The following SIMC1 variants were observed in gnomAD, a reference collection of about 807,000 sequenced individuals.
SIMC1 encodes the protein SUMO-interacting motif-containing protein 1.
Under a neutral mutation model 82.3 loss-of-function variants are expected in SIMC1, and 55 were observed. The observed-to-expected ratio is 0.67, with a 90% CI of 0.54 to 0.84. The LOEUF (loss-of-function observed/expected upper bound fraction) is 0.84. Among genes scored for constraint, SIMC1 ranks in the 40% least tolerant of loss-of-function variants. The probability of loss-of-function intolerance (pLI) is 0.00; values close to 1 mark genes in which losing one functional copy is unlikely to be tolerated. For missense variants in SIMC1, 915 were observed against 1,107.2 expected (o/e 0.83, Z 2.46); for synonymous variants, 353 against 426.3 (o/e 0.83, Z 2.12).
At chr5:176,282,198 A>G (rs1052517658) in intron 1 of SIMC1, among the ~76,000 whole-genome samples, 1 of 152,230 alleles carries the variant, frequency 6.6e-6, no homozygotes, top group Non-Finnish European at 1.5e-5. Flanking sequence ...CTGTGCTAGC[A>G]ATCAGCAAGA....
At chr5:176,306,294 G>C (rs1462985304) in intron 4 of SIMC1, among the ~76,000 whole-genome samples, 6 of 132,558 alleles carry the variant, frequency 4.5e-5, no homozygotes, top group Admixed American at 7.3e-5. Flanking sequence ...GAGGTGGGGG[G>C]GTCAGCCCCC....
chr5:176,279,940 T>C (rs1295261622), intron 1 of SIMC1, among the ~76,000 whole-genome samples: 1 of 152,004 alleles, frequency 6.6e-6, no homozygotes, highest in African/African-American at 2.4e-5. Context: ...CTGAAAAAAA[T>C]GTATATTCTG....
At chr5:176,245,814 T>C (rs921219702) in intron 1 of SIMC1, among the ~76,000 whole-genome samples, 1 of 152,090 alleles carries the variant, frequency 6.6e-6, no homozygotes, top group Non-Finnish European at 1.5e-5. Flanking sequence ...TGTTTTGAGA[T>C]AATTATCGTT....
At chr5:176,333,171 G>T (rs565514119) in intron 7 of SIMC1, among the ~76,000 whole-genome samples, 1 of 152,070 alleles carries the variant, frequency 6.6e-6, no homozygotes, top group East Asian at 2.0e-4. Flanking sequence ...GGGCGTGGTG[G>T]TGCGCACCTG....
intron 1 of SIMC1, among the ~76,000 whole-genome samples, chr5:176,281,827 A>G (rs1173624151): frequency 6.6e-6 from 1 of 152,162 alleles, no homozygotes; most frequent in African/African-American, 2.4e-5. Context: ...GTGAGGTGTC[A>G]GTCTCCCCCT....
chr5:176,307,428 T>C (rs921473730), intron 4 of SIMC1, among the ~76,000 whole-genome samples: 1 of 152,158 alleles, frequency 6.6e-6, no homozygotes, highest in Non-Finnish European at 1.5e-5. Flanking sequence ...TGAGACAGAG[T>C]CTTGCTCTGT....
intron 1 of SIMC1, among the ~76,000 whole-genome samples, chr5:176,252,533 C>G (rs1290355115): frequency 1.3e-5 from 2 of 150,928 alleles, no homozygotes; most frequent in Non-Finnish European, 3.0e-5. Context: ...TCCCACATCT[C>G]AGACGATGGG....
intron 1 of SIMC1, among the ~76,000 whole-genome samples, chr5:176,274,167 T>C (rs1762575598): frequency 6.9e-6 from 1 of 145,292 alleles, no homozygotes; most frequent in Non-Finnish European, 1.5e-5. Context: ...CCAGCACCTG[T>C]TGTTTCCTGA....
intron 9 of SIMC1, among the ~76,000 whole-genome samples, chr5:176,338,989 A>C (rs1301819061): frequency 6.6e-6 from 1 of 152,174 alleles, no homozygotes; most frequent in East Asian, 1.9e-4. Context: ...ATGTTCATTG[A>C]ATCTGTCTTC....
intron 1 of SIMC1, among the ~76,000 whole-genome samples, chr5:176,257,703 A>G (rs1481272681): frequency 2.0e-5 from 3 of 152,096 alleles, no homozygotes; most frequent in African/African-American, 4.8e-5. Context: ...TCTCCTTACT[A>G]TTTTTCCCCC....
chr5:176,322,320 CT>C lies in SIMC1; in HGVS notation c.1938del (p.Gln647SerfsTer15). 6.3e-7 allele frequency: 1 copy of C among 1,583,596 alleles called. No homozygotes were observed. Among genetic ancestry groups the C allele is most frequent in the Non-Finnish European group, 8.6e-7 (1 of 1,164,432 alleles). ...AAAGCAGTAACTGAAGATGGATTGA[CT>C]CAGCCCCCAAATGGAAATCAAACGT... Reference protein sequence around the residue: ...LVKAVTEDGLTQPPNGNQTSS... With the variant: ...LVKAVTEDGLXQPPNGNQTSS... On this transcript the variant is annotated frameshift_variant, in exon 6 of 10. Transcript: ENST00000429602. LOFTEE classifies it high-confidence loss of function.
intron 9 of SIMC1, among the ~76,000 whole-genome samples, chr5:176,341,461 T>C (rs1766141182): frequency 6.6e-6 from 1 of 152,206 alleles, no homozygotes; most frequent in Non-Finnish European, 1.5e-5. Flanking sequence ...AGTGTCATGA[T>C]CAGATCTGCA....
chr5:176,326,972 G>C (rs1942204776), intron 7 of SIMC1, among the ~76,000 whole-genome samples: 1 of 152,200 alleles, frequency 6.6e-6, no homozygotes, highest in African/African-American at 2.4e-5. Context: ...ACCCAGGGCT[G>C]CTTAATCCCA....
At chr5:176,308,265 C>A in intron 4 of SIMC1, 1 of 1,516,094 alleles carries the variant, frequency 6.6e-7, no homozygotes, top group Non-Finnish European at 9.1e-7. Flanking sequence ...AAGGTTGATG[C>A]CATCAGAATT....
intron 1 of SIMC1, among the ~76,000 whole-genome samples, chr5:176,284,429 G>T (rs1253286997): frequency 6.7e-6 from 1 of 149,230 alleles, no homozygotes; most frequent in Non-Finnish European, 1.5e-5. Context: ...GACTACTGGG[G>T]TACATAATGA....
chr5:176,305,131 CCA>C (rs1235257065), intron 4 of SIMC1, among the ~76,000 whole-genome samples: 4 of 67,042 alleles, frequency 6.0e-5, no homozygotes, highest in African/African-American at 1.6e-4. Context: ...GCCGTGCCAT[CCA>C]GGAGGGGGGG....
intron 4 of SIMC1, among the ~76,000 whole-genome samples, chr5:176,304,882 C>T (rs983768303): frequency 1.2e-4 from 18 of 148,422 alleles, no homozygotes; most frequent in African/African-American, 3.9e-4. Context: ...GCCGAGACCC[C>T]GTCTGGGAGG....
chr5:176,284,767 T>C (rs1763188354), intron 1 of SIMC1, among the ~76,000 whole-genome samples: 1 of 151,714 alleles, frequency 6.6e-6, no homozygotes, highest in East Asian at 1.9e-4. Context: ...GATAAAGGGG[T>C]TATCACCACC....
chr5:176,308,613 T>C, intron 4 of SIMC1: 8 of 1,584,256 alleles, frequency 5.0e-6, no homozygotes, highest in Non-Finnish European at 6.1e-6. Context: ...GAGTTCAGAG[T>C]CCCTTCATGG....
Sources: allele counts gnomAD v4.1 joint callset (sites outside exome capture counted in the v4.1 genomes callset), GRCh38; gene constraint gnomAD v4.1.1; transcripts MANE v1.5; gene names NCBI Gene and HGNC (gene_info 2026-07-23, HGNC 2026-07-21).